Variants in GTF2F2 observed in about 807,000 individuals in gnomAD.
The protein encoded by GTF2F2 is ATP-dependent helicase GTF2F2.
GTF2F2 carries 23 observed loss-of-function variants against 42.2 expected under a neutral mutation model. The observed-to-expected ratio is 0.55, with a 90% confidence interval of 0.39 to 0.77. The LOEUF is 0.77. GTF2F2 is among the 30% of genes least tolerant of loss of function. GTF2F2 has a pLI of 0.00. For synonymous variants in GTF2F2, 105 were observed against 100.8 expected (o/e 1.04, Z -0.25); for missense variants, 261 against 287.2 (o/e 0.91, Z 0.66).
At chr13:45,238,605 C>T (rs531237309) in intron 5 of GTF2F2, among the ~76,000 whole-genome samples, 1 of 151,926 alleles carries the variant, frequency 6.6e-6, no homozygotes, top group East Asian at 1.9e-4. Context: ...AAGCAGTTTA[C>T]TTTCATAAAG....
At chr13:45,159,665 G>A (rs571492487) in intron 4 of GTF2F2, among the ~76,000 whole-genome samples, 1 of 152,256 alleles carries the variant, frequency 6.6e-6, no homozygotes, top group South Asian at 2.1e-4. Context: ...TTAGAGACGG[G>A]GTTTTGCCAT....
intron 2 of GTF2F2, among the ~76,000 whole-genome samples, chr13:45,148,978 A>G (rs1413579004): frequency 1.3e-5 from 2 of 152,152 alleles, no homozygotes; most frequent in Admixed American, 6.5e-5. Flanking sequence ...AAAATTGCTC[A>G]TAATTTAAAT....
At chr13:45,135,919 G>A (rs907741126) in intron 1 of GTF2F2, among the ~76,000 whole-genome samples, 2 of 152,204 alleles carry the variant, frequency 1.3e-5, no homozygotes, top group African/African-American at 2.4e-5. Context: ...TTACTTTTTA[G>A]AAGAAATGAG....
chr13:45,214,941 A>G (rs1873827294), intron 5 of GTF2F2, among the ~76,000 whole-genome samples: 2 of 150,318 alleles, frequency 1.3e-5, no homozygotes, highest in East Asian at 3.8e-4. Flanking sequence ...TACTTGTCTT[A>G]AAAGTTTTTA....
At chr13:45,191,255 A>AGGC (rs1872641173) in intron 4 of GTF2F2, among the ~76,000 whole-genome samples, 18 of 136,528 alleles carry the variant, frequency 1.3e-4, no homozygotes, top group African/African-American at 2.4e-4. Flanking sequence ...ATATATATAT[A>AGGC]GCCATAATCT....
intron 5 of GTF2F2, among the ~76,000 whole-genome samples, chr13:45,216,839 A>C (rs1490353505): frequency 1.3e-5 from 2 of 151,250 alleles, no homozygotes; most frequent in African/African-American, 2.4e-5. Context: ...TTTGTTTTTA[A>C]GGCTATAGAA....
intron 6 of GTF2F2, among the ~76,000 whole-genome samples, chr13:45,266,200 G>C (rs1876554205): frequency 6.6e-6 from 1 of 152,112 alleles, no homozygotes; most frequent in Admixed American, 6.6e-5. Flanking sequence ...TTTTTATTTG[G>C]ATAGTAGATA....
intron 5 of GTF2F2, among the ~76,000 whole-genome samples, chr13:45,247,867 T>G (rs546825673): frequency 3.9e-5 from 6 of 152,082 alleles, no homozygotes; most frequent in African/African-American, 1.4e-4. Flanking sequence ...GTTTTTGAGA[T>G]GGAATCTCGC....
chr13:45,178,860 A>G (rs1197511623), intron 4 of GTF2F2, among the ~76,000 whole-genome samples: 1 of 152,082 alleles, frequency 6.6e-6, no homozygotes, highest in Non-Finnish European at 1.5e-5. Context: ...GACTGGAGTT[A>G]CTCATGCATC....
At chr13:45,274,091 T>G (rs1462764592) in intron 7 of GTF2F2, among the ~76,000 whole-genome samples, 1 of 152,142 alleles carries the variant, frequency 6.6e-6, no homozygotes, top group Non-Finnish European at 1.5e-5. Context: ...AGCACTGGCC[T>G]TCTTCACTTC....
intron 5 of GTF2F2, among the ~76,000 whole-genome samples, chr13:45,229,435 C>T (rs1874556118): frequency 6.6e-6 from 1 of 152,138 alleles, no homozygotes; most frequent in Non-Finnish European, 1.5e-5. Context: ...TCCATGGCAG[C>T]TCTTCCTACA....
chr13:45,248,765 C>A (rs1024802989), intron 5 of GTF2F2, among the ~76,000 whole-genome samples: 4 of 152,154 alleles, frequency 2.6e-5, no homozygotes, highest in Non-Finnish European at 5.9e-5. Flanking sequence ...CGTGAGCCAC[C>A]ACTCCCAGCC....
intron 4 of GTF2F2, chr13:45,193,838 A>G (rs1872754555): frequency 1.9e-6 from 3 of 1,611,902 alleles, no homozygotes; most frequent in Non-Finnish European, 2.5e-6. Flanking sequence ...CCTTTGGAAC[A>G]ATCCAGGCTG....
intron 6 of GTF2F2, among the ~76,000 whole-genome samples, chr13:45,266,592 C>G (rs1188443745): frequency 2.0e-5 from 3 of 152,160 alleles, no homozygotes; most frequent in Non-Finnish European, 4.4e-5. Context: ...AAGCACTACA[C>G]GTTAGAGTTT....
In GTF2F2 at chr13:45,279,636, G is replaced by A. The variant is rs185341155; in HGVS notation, c.631-3806G>A. 2.9e-3 allele frequency among the ~76,000 whole-genome samples: 442 copies of A among 152,292 alleles called. 12 individuals are homozygous for A. The highest frequency in any genetic ancestry group is 3.4e-3 in the Middle Eastern group (1 of 294). On this transcript the variant is annotated intron_variant, in intron 7 of 7. Coordinates refer to ENST00000340473, the MANE Select transcript of GTF2F2 (RefSeq NM_004128.3). The stretch of plus-strand genomic sequence containing the variant: ...ATAACAGGAGCATGTGGCCGGGCGC[G>A]GTGGCTCATGCCTGTAATCCTAGCG...
intron 4 of GTF2F2, among the ~76,000 whole-genome samples, chr13:45,164,454 G>A (rs1871173029): frequency 6.6e-6 from 1 of 151,982 alleles, no homozygotes; most frequent in South Asian, 2.1e-4. Context: ...AGCCCTAGTG[G>A]CCAGGTAGTG....
intron 2 of GTF2F2, among the ~76,000 whole-genome samples, chr13:45,144,477 T>TTTTG (rs1389904854): frequency 2.1e-5 from 3 of 145,806 alleles, no homozygotes; most frequent in Non-Finnish European, 4.5e-5. Flanking sequence ...TTTTTTTTTT[T>TTTTG]TGAGACAGAG....
intron 2 of GTF2F2, among the ~76,000 whole-genome samples, chr13:45,146,074 G>A: frequency 6.6e-6 from 1 of 151,990 alleles, no homozygotes; most frequent in East Asian, 1.9e-4. Flanking sequence ...TCACCCCAGT[G>A]GCATCCTCTT....
intron 5 of GTF2F2, among the ~76,000 whole-genome samples, chr13:45,235,967 A>G (rs1018683210): frequency 2.0e-5 from 3 of 152,156 alleles, no homozygotes; most frequent in African/African-American, 7.2e-5. Flanking sequence ...CAAAAAGTAC[A>G]AAAACCAATT....
Sources: allele counts gnomAD v4.1 joint callset (sites outside exome capture counted in the v4.1 genomes callset), GRCh38; gene constraint gnomAD v4.1.1; transcripts MANE v1.5; gene names NCBI Gene and HGNC (gene_info 2026-07-23, HGNC 2026-07-21).